The following TRPV4 variants were observed in gnomAD, a reference collection of about 807,000 sequenced individuals.
TRPV4 encodes OSM9-like transient receptor potential channel 4.
TRPV4 carries 58 observed loss-of-function variants against 84.1 expected under a neutral mutation model. The ratio of observed to expected loss-of-function variants is 0.69; its 90% CI spans 0.56 to 0.86. TRPV4 has a LOEUF of 0.86. TRPV4 is among the 40% of genes least tolerant of loss of function. TRPV4 has a pLI of 0.00. For synonymous variants in TRPV4, 489 were observed against 500.9 expected, an observed-to-expected ratio of 0.98 and a Z score of 0.32; for missense variants, 879 against 1,181.1, an observed-to-expected ratio of 0.74 and a Z score of 3.75.
At chr12:109,832,215 C>T (rs1231200688) in intron 1 of TRPV4, 1 of 152,368 alleles carries the variant, frequency 6.6e-6, no homozygotes, top group African/African-American at 2.4e-5. Context: ...CACACAGGCC[C>T]GCTCTTAGCC....
intron 1 of TRPV4, among the ~76,000 whole-genome samples, chr12:109,828,254 G>A (rs551922184): frequency 2.0e-5 from 3 of 152,278 alleles, no homozygotes; most frequent in Admixed American, 6.5e-5. Flanking sequence ...GTGTGGTCTC[G>A]TGTGATCCTC....
chr12:109,784,238 AAAG>A (rs1177317734), intron 15 of TRPV4, 75 bp downstream of exon 15: 6 of 1,602,966 alleles, frequency 3.7e-6, no homozygotes, highest in Non-Finnish European at 5.1e-6. Flanking sequence ...TGAGTCCCGG[AAAG>A]AAGCAGGACT....
At chr12:109,812,743 C>G (rs1202949541) in intron 2 of TRPV4, among the ~76,000 whole-genome samples, 4 of 152,038 alleles carry the variant, frequency 2.6e-5, no homozygotes, top group African/African-American at 9.7e-5. Context: ...AGTTTGATAG[C>G]TGAATGGCTA....
intron 7 of TRPV4, among the ~76,000 whole-genome samples, chr12:109,795,168 T>C (rs1317969372): frequency 6.6e-6 from 1 of 152,204 alleles, no homozygotes; most frequent in East Asian, 1.9e-4. Context: ...GAGAGAAAGA[T>C]TGAGAAATTT....
In TRPV4 at chr12:109,815,851, G is replaced by C. The variant is rs1891815908; in HGVS notation, c.-31-1024C>G. Among the ~76,000 whole-genome samples the C allele has an allele frequency of 6.6e-6, 1 of 152,264 alleles. No homozygotes were observed. Among genetic ancestry groups the C allele is most frequent in the Non-Finnish European group, 1.5e-5 (1 of 68,040 alleles). On this transcript the variant is annotated intron_variant, in intron 1 of 15. Transcript: ENST00000261740. This position sits in a 1 kb window ranked among gnomAD's most constrained non-coding sequence, Gnocchi z 4.1. ...TTTCAAAGGCAGCAAACAGCTTGCA[G>C]GAAGAAGAGCTGGACTTGAACCATG... is the stretch of plus-strand genomic sequence containing the variant.
chr12:109,833,142 A>G (rs1424555792), intron 1 of TRPV4, among the ~76,000 whole-genome samples: 5 of 152,040 alleles, frequency 3.3e-5, no homozygotes, highest in East Asian at 1.9e-4. Flanking sequence ...AGGTGATAAA[A>G]CCGAGACCCA....
chr12:109,792,846 G>T (rs557900253), intron 10 of TRPV4, 29 bp from the exon 11 acceptor site: 1 of 1,612,018 alleles, frequency 6.2e-7, no homozygotes, highest in East Asian at 2.2e-5. Context: ...CACAAGAGAG[G>T]CCAGAGGGGA....
At chr12:109,803,661 G>A (rs914138853) in intron 3 of TRPV4, among the ~76,000 whole-genome samples, 4 of 151,438 alleles carry the variant, frequency 2.6e-5, no homozygotes, top group African/African-American at 9.7e-5. Context: ...ATCTCACTCT[G>A]TTACCCAGGC....
At position 109,814,427 on chromosome 12, in the gene TRPV4, T is replaced by G; in HGVS notation, c.370A>C (p.Arg124=). 6.2e-7 allele frequency: 1 copy of G among 1,614,086 alleles called. No homozygotes were observed. Among genetic ancestry groups the G allele is most frequent in the Non-Finnish European group, 8.5e-7 (1 of 1,179,986 alleles). The change falls in exon 2 of 16, where the codon AGG becomes CGG. Residue 124 remains arginine (R), a synonymous_variant. Transcript: ENST00000261740. This position sits in a 1 kb window ranked among gnomAD's most constrained non-coding sequence, Gnocchi z 5.4. The part of the protein sequence containing the change: ...RHHSSDNKRW[R]KKIIEKQPQS... ...AATACTCACTCTATGATCTTCTTCC[T>G]CCACCTCTTGTTGTCACTGGAGTGG...
chr12:109,811,977 G>A (rs1174537029), intron 2 of TRPV4, among the ~76,000 whole-genome samples: 1 of 152,088 alleles, frequency 6.6e-6, no homozygotes, highest in Non-Finnish European at 1.5e-5. Flanking sequence ...GGCCTGCTGA[G>A]GCTCAGGAGG....
chr12:109,832,995 C>T (rs912821314), intron 1 of TRPV4, among the ~76,000 whole-genome samples: 1 of 152,170 alleles, frequency 6.6e-6, no homozygotes, highest in African/African-American at 2.4e-5. Context: ...TTAGGTCCCC[C>T]GAAATCCCTC....
intron 2 of TRPV4, among the ~76,000 whole-genome samples, chr12:109,813,925 G>A (rs1032675949): frequency 6.6e-6 from 1 of 151,918 alleles, no homozygotes; most frequent in African/African-American, 2.4e-5. Flanking sequence ...ATGATGGATA[G>A]ATGAATAGAT....
At chr12:109,821,703 C>T (rs1892106271) in intron 1 of TRPV4, among the ~76,000 whole-genome samples, 3 of 151,822 alleles carry the variant, frequency 2.0e-5, no homozygotes, top group African/African-American at 4.8e-5. Flanking sequence ...GCTAATTTTT[C>T]GTATTTTTAG....
At chr12:109,817,915 C>G (rs1196610574) in intron 1 of TRPV4, among the ~76,000 whole-genome samples, 1 of 152,236 alleles carries the variant, frequency 6.6e-6, no homozygotes, top group Non-Finnish European at 1.5e-5. Context: ...AAGCAAAAGA[C>G]AGCCCCACAC....
intron 8 of TRPV4, 49 bp downstream of exon 8, chr12:109,794,280 G>A: frequency 1.9e-6 from 3 of 1,603,428 alleles, no homozygotes; most frequent in Non-Finnish European, 1.7e-6. Flanking sequence ...GTCCTGCATG[G>A]CTCAGCCCAG....
chr12:109,825,502 T>C (rs1033164210), intron 1 of TRPV4, among the ~76,000 whole-genome samples: 74 of 152,226 alleles, frequency 4.9e-4, no homozygotes, highest in African/African-American at 1.7e-3. Context: ...AGGTGGGGGA[T>C]GATGACATTG....
rs1292796040 is a variant in TRPV4, at chr12:109,815,891, G to A, written c.-31-1064C>T. Among the ~76,000 whole-genome samples, 9 of 152,234 alleles carry A rather than the reference G, an allele frequency of 5.9e-5. No individual in the cohort carries two copies. The South Asian group carries it at 8.3e-4, about 14-fold the overall frequency. On this transcript the variant is annotated intron_variant, in intron 1 of 15. Coordinates refer to ENST00000261740, the MANE Select transcript of TRPV4 (RefSeq NM_021625.5). This position sits in a 1 kb window ranked among gnomAD's most constrained non-coding sequence, Gnocchi z 4.1. ...CTTGAACCATGTCTCTCTGGCTCCC[G>A]GGTCCAGTGCTTAGCCAGGAGCCAG...
chr12:109,796,564 G>C lies in TRPV4; in HGVS notation c.1293C>G (p.Ala431=). 6.2e-7 allele frequency: 1 copy of C among 1,614,148 alleles called. No individual in the cohort carries two copies. The highest frequency in any genetic ancestry group is 8.5e-7 in the Non-Finnish European group (1 of 1,180,016). Residue 431 remains alanine (A), a synonymous_variant, in exon 7 of 16, where the codon GCC becomes GCG. Coordinates refer to ENST00000261740, the MANE Select transcript of TRPV4 (RefSeq NM_021625.5). The surrounding 1 kb of genome is among the most constrained non-coding windows in gnomAD (Gnocchi z 4.2). ...LSSLDTCGEE[A]SVLEILVYNS... ...TGTACACCAGGATCTCCAGCACGGA[G>C]GCCTCTTCCCCACACGTGTCCAGGG...
rs1421114267 is a variant in TRPV4, at chr12:109,814,424, T to C, written c.373A>G (p.Lys125Glu). ...HHSSDNKRWR[K>E]KIIEKQPQSP... is the part of the protein sequence containing the mutation. ...AACAATACTCACTCTATGATCTTCT[T>C]CCTCCACCTCTTGTTGTCACTGGAG... Residue 125 changes from lysine to glutamate, a missense_variant, in exon 2 of 16, where the codon AAG becomes GAG. Around this residue, in one of 4 missense-constraint regions of TRPV4, gnomAD observed 521 missense variants for 686.6 expected, o/e 0.76. Transcript: ENST00000261740. The surrounding 1 kb of genome is among the most constrained non-coding windows in gnomAD (Gnocchi z 5.4). The C allele has an allele frequency of 6.2e-7, 1 of 1,614,078 alleles. No individual in the cohort carries two copies. Among genetic ancestry groups the C allele is most frequent in the African/African-American group, 1.3e-5 (1 of 75,030 alleles).
Sources: gnomAD v4.1 joint callset for allele counts (sites outside exome capture counted in the v4.1 genomes callset) on GRCh38, gnomAD v4.1.1 for gene constraint, gnomAD v4.1.1 regional missense constraint, Gnocchi (gnomAD v3.1) non-coding constraint, MANE v1.5 for transcripts, NCBI Gene and HGNC (gene_info 2026-07-23, HGNC 2026-07-21) for gene names.